The following AVL9 variants were observed in gnomAD, a reference collection of about 807,000 sequenced individuals.
AVL9 encodes the protein late secretory pathway protein AVL9 homolog.
Under a neutral mutation model 79.2 loss-of-function variants are expected in AVL9, and 49 were observed. The ratio of observed to expected loss-of-function variants is 0.62; its 90% CI spans 0.49 to 0.79. The LOEUF is 0.79. Among genes scored for constraint, AVL9 ranks in the 30% least tolerant of loss-of-function variants. The pLI, the probability that AVL9 is intolerant of heterozygous loss-of-function variation, is 0.00. For synonymous variants in AVL9, 299 were observed against 280.6 expected (o/e 1.07, Z -0.65); for missense variants, 682 against 776.8 (o/e 0.88, Z 1.45).
At chr7:32,515,553 C>T in intron 1 of AVL9, among the ~76,000 whole-genome samples, 1 of 152,222 alleles carries the variant, frequency 6.6e-6, no homozygotes, top group East Asian at 1.9e-4. Context: ...TAACTCCTTT[C>T]TGGAGTTAGA....
In AVL9 at chr7:32,551,315, TTC is replaced by T. The variant is rs1258400028; in HGVS notation, c.373-15_373-14del. ...CAACTAATTATTAATCAATGGTAAT[TTC>T]TCTTTTTTCCTTTAAGCCTCTGTAT... On this transcript the variant is annotated splice_polypyrimidine_tract_variant and intron_variant, in intron 4 of 15. Transcript: ENST00000318709. The T allele has an allele frequency of 6.7e-7, 1 of 1,495,662 alleles. No individual in the cohort carries two copies. The highest frequency in any genetic ancestry group is 9.3e-7 in the Non-Finnish European group (1 of 1,078,716). The allele number at this position is 1,495,662 out of a possible 1,614,324, so 92.6% of individuals were successfully genotyped here.
intron 1 of AVL9, among the ~76,000 whole-genome samples, chr7:32,520,523 G>T (rs1311770405): frequency 6.6e-6 from 1 of 152,162 alleles, no homozygotes; most frequent in Non-Finnish European, 1.5e-5. Flanking sequence ...TCTGTTGTAA[G>T]GTCTATTTGC....
intron 13 of AVL9, among the ~76,000 whole-genome samples, chr7:32,578,258 A>G (rs1409909905): frequency 1.3e-5 from 2 of 152,064 alleles, no homozygotes; most frequent in Non-Finnish European, 2.9e-5. Flanking sequence ...TTTCTTTCAG[A>G]CCTTTAAAGG....
chr7:32,555,185 A>C (rs1790002723), intron 8 of AVL9, among the ~76,000 whole-genome samples: 1 of 152,130 alleles, frequency 6.6e-6, no homozygotes, highest in Non-Finnish European at 1.5e-5. Context: ...TCTACAAAAA[A>C]TACAAAAATT....
intron 1 of AVL9, among the ~76,000 whole-genome samples, chr7:32,527,295 A>G (rs1261368895): frequency 1.3e-5 from 2 of 152,226 alleles, no homozygotes; most frequent in Non-Finnish European, 2.9e-5. Context: ...ATGGTGCCCA[A>G]AAGAGTTCAG....
intron 1 of AVL9, among the ~76,000 whole-genome samples, chr7:32,512,426 AC>A (rs1787720511): frequency 6.6e-6 from 1 of 152,196 alleles, no homozygotes; most frequent in Admixed American, 6.5e-5. Flanking sequence ...GACACTAAAG[AC>A]CAGAAAACGA....
intron 1 of AVL9, among the ~76,000 whole-genome samples, chr7:32,522,594 T>C (rs1338237075): frequency 1.3e-5 from 2 of 152,162 alleles, no homozygotes; most frequent in African/African-American, 4.8e-5. Context: ...GGAAGAGACT[T>C]GCCTTGTCTC....
chr7:32,513,723 G>C (rs1052143410), intron 1 of AVL9, among the ~76,000 whole-genome samples: 6 of 152,170 alleles, frequency 3.9e-5, no homozygotes, highest in Non-Finnish European at 5.9e-5. Context: ...TGGGCCCAGG[G>C]GACCAGCGCT....
intron 9 of AVL9, 90 bp from the exon 10 acceptor site, chr7:32,558,839 A>G: frequency 1.6e-6 from 2 of 1,237,024 alleles, no homozygotes; most frequent in East Asian, 4.8e-5. Context: ...ATAGCTTATT[A>G]AATTTTATAG....
chr7:32,559,446 C>A lies in AVL9; in HGVS notation c.1197C>A (p.Pro399=). ...SGLEEDQYGM[P]LAIFTKGYLC... is the part of the protein sequence containing the mutation. ...TGGAAGAGGATCAGTATGGCATGCC[C>A]CTGGCCATCTTCACAAAGGTAAAGT... The change falls in exon 10 of 16, where the codon CCC becomes CCA. Residue 399 remains proline (P), a synonymous_variant. Coordinates refer to ENST00000318709, the MANE Select transcript of AVL9 (RefSeq NM_015060.3). 1 of 1,547,746 alleles carries A rather than the reference C, an allele frequency of 6.5e-7. No individual in the cohort carries two copies. Among genetic ancestry groups the A allele is most frequent in the South Asian group, 1.2e-5 (1 of 80,640 alleles).
intron 1 of AVL9, among the ~76,000 whole-genome samples, chr7:32,520,250 A>G (rs546889701): frequency 1.4e-4 from 22 of 152,364 alleles, no homozygotes; most frequent in African/African-American, 5.3e-4. Flanking sequence ...TTAAAAGCGA[A>G]GAGTATGATG....
intron 15 of AVL9, among the ~76,000 whole-genome samples, 192 bp from the exon 16 acceptor site, chr7:32,583,600 G>A (rs1791621398): frequency 6.6e-6 from 1 of 152,140 alleles, no homozygotes; most frequent in Non-Finnish European, 1.5e-5. Context: ...GATCACTTGA[G>A]CCTAGGATGT....
intron 1 of AVL9, among the ~76,000 whole-genome samples, chr7:32,517,051 A>G (rs988635015): frequency 4.6e-5 from 7 of 152,052 alleles, no homozygotes; most frequent in African/African-American, 1.7e-4. Flanking sequence ...GTATTCAACC[A>G]TTTCGTTTTT....
Position 32,588,069 on chromosome 7 carries a change from A to C in AVL9, c.*4162A>C, listed in dbSNP as rs180897979. 6.6e-6 allele frequency: 1 copy of C among 152,334 alleles called. No individual in the cohort carries two copies. The highest frequency in any genetic ancestry group is 1.9e-4 in the East Asian group (1 of 5,182). The allele number at this position is 152,334 out of a possible 1,614,324, so 9.4% of individuals were successfully genotyped here. ...TTCTAAAGTTTACCTTTTTACTTAT[A>C]TGAAAGATAACTATATATTTAAATC... On this transcript the variant is annotated 3_prime_UTR_variant, in exon 16 of 16. Coordinates refer to ENST00000318709, the MANE Select transcript of AVL9 (RefSeq NM_015060.3).
At position 32,523,677 on chromosome 7, in the gene AVL9, G is replaced by C. The variant is rs564461237; in HGVS notation, c.94-19464G>C. ...ACTATAGGGGTGTGCCACCACACCT[G>C]CCTAAGTATTATTATTATTATTTTG... On this transcript the variant is annotated intron_variant, in intron 1 of 15. Transcript: ENST00000318709. Among the ~76,000 whole-genome samples, 198 of 150,454 alleles carry C rather than the reference G, an allele frequency of 1.3e-3. 1 individual carries two copies. The highest frequency in any genetic ancestry group is 2.5e-3 in the Non-Finnish European group (168 of 67,552).
intron 1 of AVL9, among the ~76,000 whole-genome samples, chr7:32,510,128 T>A (rs993768026): frequency 1.3e-5 from 2 of 151,118 alleles, no homozygotes; most frequent in African/African-American, 4.9e-5. Flanking sequence ...AGCCATCAGG[T>A]CTGGTGGTGG....
chr7:32,516,009 A>G (rs942858042), intron 1 of AVL9, among the ~76,000 whole-genome samples: 3 of 152,182 alleles, frequency 2.0e-5, no homozygotes, highest in Non-Finnish European at 4.4e-5. Context: ...AAAAATCTAG[A>G]GATGACTCAA....
At chr7:32,546,692 G>A (rs1249404894) in intron 3 of AVL9, among the ~76,000 whole-genome samples, 5 of 151,876 alleles carry the variant, frequency 3.3e-5, no homozygotes, top group Admixed American at 6.6e-5. Context: ...GTGTGGCAGC[G>A]CACGCCTGTA....
intron 4 of AVL9, 34 bp downstream of exon 4, chr7:32,548,952 A>G (rs754780506): frequency 4.0e-5 from 56 of 1,401,330 alleles, no homozygotes; most frequent in Non-Finnish European, 5.0e-5. Context: ...ATTATGTTAA[A>G]CCTTCATGGC....
Sources: allele counts gnomAD v4.1 joint callset (sites outside exome capture counted in the v4.1 genomes callset), GRCh38; gene constraint gnomAD v4.1.1; transcripts MANE v1.5; gene names NCBI Gene and HGNC (gene_info 2026-07-23, HGNC 2026-07-21).